SRGAP2B: variants seen among roughly 807,000 people sequenced by gnomAD.
SRGAP2B encodes the protein SLIT-ROBO Rho GTPase-activating protein 2B.
SRGAP2B carries 9 observed loss-of-function variants against 22.2 expected under a neutral mutation model. The ratio of observed to expected loss-of-function variants is 0.41; its 90% confidence interval spans 0.24 to 0.71. The LOEUF (loss-of-function observed/expected upper bound fraction) is 0.71, where lower values mean the gene tolerates loss of function less well. Ranked by LOEUF, SRGAP2B falls within the 30% of genes least tolerant of loss-of-function variation. The pLI is 0.35. For missense variants in SRGAP2B, 114 were observed against 235.8 expected, an observed-to-expected ratio of 0.48 and a Z score of 3.38; for synonymous variants, 36 against 87.4, an observed-to-expected ratio of 0.41 and a Z score of 3.28.
At chr1:145,068,820 A>T (rs1460784359) in intron 2 of SRGAP2B, among the ~76,000 whole-genome samples, 1 of 147,686 alleles carries the variant, frequency 6.8e-6, no homozygotes, top group African/African-American at 2.6e-5. Context: ...ATGAGGCATA[A>T]ATCAGCTATT....
intron 7 of SRGAP2B, among the ~76,000 whole-genome samples, chr1:144,902,732 A>C (rs1413756807): frequency 1.3e-4 from 18 of 142,744 alleles, no homozygotes; most frequent in African/African-American, 4.8e-4. Flanking sequence ...ACCGTACTCC[A>C]GCCTGGGCGA....
At chr1:145,009,585 C>G (rs1398470101) in intron 2 of SRGAP2B, among the ~76,000 whole-genome samples, 6 of 137,670 alleles carry the variant, frequency 4.4e-5, no homozygotes, top group Admixed American at 4.3e-4. Context: ...GAGACTCCGT[C>G]TCAAAAAAAA....
intron 3 of SRGAP2B, among the ~76,000 whole-genome samples, chr1:144,973,085 G>A (rs1241864987): frequency 6.2e-5 from 9 of 145,852 alleles, no homozygotes; most frequent in African/African-American, 2.1e-4. Context: ...TCCAGCCCGG[G>A]TGAAAGAGTG....
chr1:144,904,205 C>T (rs1233595956), intron 7 of SRGAP2B, among the ~76,000 whole-genome samples: 1 of 150,222 alleles, frequency 6.7e-6, no homozygotes, highest in East Asian at 1.9e-4. Context: ...TCTCGTAGTC[C>T]TCTGGACCTT....
At chr1:145,066,323 ACT>A (rs1364615552) in intron 2 of SRGAP2B, among the ~76,000 whole-genome samples, 4 of 148,296 alleles carry the variant, frequency 2.7e-5, no homozygotes, top group African/African-American at 5.1e-5. Context: ...ACAGAGTGAG[ACT>A]CTGTCTCAAA....
chr1:144,997,632 C>G (rs1296226269), intron 2 of SRGAP2B, among the ~76,000 whole-genome samples: 1 of 149,384 alleles, frequency 6.7e-6, no homozygotes, highest in African/African-American at 2.5e-5. Flanking sequence ...TTGGATGACA[C>G]CCACCCTCTG....
Position 144,994,984 on chromosome 1 carries a change from G to C in SRGAP2B, c.260+24C>G, listed in dbSNP as rs1160844858. 9 of 1,449,828 alleles carry C rather than the reference G, an allele frequency of 6.2e-6. 3 individuals carry two copies. In the African/African-American group the frequency reaches 1.2e-4, roughly 19 times the overall value. The allele number at this position is 1,449,828 out of a possible 1,614,324, so 89.8% of individuals were successfully genotyped here. ...GGACCCCATATTCCAAGGTCTCAGA[G>C]AGTAATAGCCACAGAGCCCCTACTT... On this transcript the variant is annotated intron_variant, in intron 3 of 9. Coordinates refer to ENST00000612199, the Ensembl canonical transcript of SRGAP2B.
intron 2 of SRGAP2B, among the ~76,000 whole-genome samples, chr1:145,020,565 AT>A (rs1172315166): frequency 1.4e-5 from 2 of 146,796 alleles, no homozygotes; most frequent in Non-Finnish European, 3.0e-5. Context: ...CAATTTATAT[AT>A]TCATCATGTT....
In SRGAP2B at chr1:145,058,144, T is replaced by G. The variant is rs1390744175; in HGVS notation, c.67+34691A>C. Among the ~76,000 whole-genome samples, 19 of 149,824 alleles carry G rather than the reference T, an allele frequency of 1.3e-4. 5 individuals are homozygous for G. Among genetic ancestry groups the G allele is most frequent in the African/African-American group, 4.5e-4 (18 of 39,940 alleles). On this transcript the variant is annotated intron_variant, in intron 2 of 9. Transcript: ENST00000612199. Reference sequence around the variant, plus strand: ...CCTGGATCCCAGTTCCTAGGACCTGTGTGACCATGAGCACGTATCTTAATT... The same window carrying G: ...CCTGGATCCCAGTTCCTAGGACCTGGGTGACCATGAGCACGTATCTTAATT...
intron 4 of SRGAP2B, among the ~76,000 whole-genome samples, chr1:144,940,958 G>GA (rs1553607287): frequency 6.7e-6 from 1 of 149,214 alleles, no homozygotes; most frequent in Non-Finnish European, 1.5e-5. Flanking sequence ...AATGTTAAAT[G>GA]AAAAAAATTA....
In SRGAP2B at chr1:145,036,175, A is replaced by T. The variant is rs1337456053; in HGVS notation, c.68-40975T>A. On this transcript the variant is annotated intron_variant, in intron 2 of 9. Coordinates refer to ENST00000612199, the Ensembl canonical transcript of SRGAP2B. ...TTCCTGCAGATATACAGCAAGCAAG[A>T]TTTCATTCCTGCCAGACAAGCTTTT... is the stretch of plus-strand genomic sequence containing the variant. Among the ~76,000 whole-genome samples, 3 of 128,512 alleles carry T rather than the reference A, an allele frequency of 2.3e-5. 1 individual carries two copies. The highest frequency in any genetic ancestry group is 2.3e-4 in the Admixed American group (3 of 12,914). 84.3% of individuals were successfully genotyped at this position (128,512 alleles called of 152,430 possible).
chr1:145,019,295 A>G (rs1672628341), intron 2 of SRGAP2B, among the ~76,000 whole-genome samples: 3 of 143,794 alleles, frequency 2.1e-5, no homozygotes, highest in Admixed American at 2.1e-4. Context: ...AGGCTGCAGT[A>G]AGCCATGATC....
Position 144,923,395 on chromosome 1 carries a change from G to A in SRGAP2B, c.424-8641C>T, listed in dbSNP as rs1219987617. Among the ~76,000 whole-genome samples the A allele has an allele frequency of 2.0e-5, 3 of 150,198 alleles. No individual in the cohort carries two copies. The East Asian group carries it at 5.8e-4, about 29-fold the overall frequency. On this transcript the variant is annotated intron_variant, in intron 4 of 9. Transcript: ENST00000612199. Reference sequence around the variant, plus strand: ...CCAAAGCATTTCTTGAGGTCATTCTGAAGATGAGTGATCACCCCATTTCCC... The same window carrying A: ...CCAAAGCATTTCTTGAGGTCATTCTAAAGATGAGTGATCACCCCATTTCCC...
At position 144,899,005 on chromosome 1, in the gene SRGAP2B, TAGCTCTATGTAGACCCTGTTGATG is replaced by T. The variant is rs1269766989; in HGVS notation, c.832-1692_832-1669del. On this transcript the variant is annotated intron_variant, in intron 7 of 9. Coordinates refer to ENST00000612199, the Ensembl canonical transcript of SRGAP2B. Reference sequence around the variant, plus strand: ...CCTTGAACCTGTAAACCTTCCTGACTAGCTCTATGTAGACCCTGTTGATGAGCTCTATGCCTATAAGTCTAATGA... The same window carrying T: ...CCTTGAACCTGTAAACCTTCCTGACTAGCTCTATGCCTATAAGTCTAATGA... 3.0e-5 allele frequency among the ~76,000 whole-genome samples: 4 copies of T among 131,186 alleles called. No homozygotes were observed. The East Asian group carries it at 9.3e-4, about 31-fold the overall frequency. 86.1% of individuals were successfully genotyped at this position (131,186 alleles called of 152,430 possible).
At chr1:145,068,804 T>C (rs1280414579) in intron 2 of SRGAP2B, among the ~76,000 whole-genome samples, 18 of 147,138 alleles carry the variant, frequency 1.2e-4, no homozygotes, top group Admixed American at 1.2e-3. Context: ...CCTTTTTTCT[T>C]TACTTATGAG....
chr1:144,991,361 G>A (rs1322864273), intron 3 of SRGAP2B, among the ~76,000 whole-genome samples: 2 of 150,410 alleles, frequency 1.3e-5, no homozygotes, highest in Non-Finnish European at 2.9e-5. Context: ...CTCAAGGTTT[G>A]TAAGTGCACC....
intron 3 of SRGAP2B, among the ~76,000 whole-genome samples, chr1:144,987,908 T>C (rs587773397): frequency 6.6e-6 from 1 of 151,132 alleles, no homozygotes; most frequent in Admixed American, 6.6e-5. Context: ...ACTGTACTAC[T>C]AAGATAAGGG....
chr1:144,924,589 G>C (rs1404691213), intron 4 of SRGAP2B, among the ~76,000 whole-genome samples: 2 of 151,494 alleles, frequency 1.3e-5, no homozygotes, highest in East Asian at 3.9e-4. Flanking sequence ...AAAGTTAGCC[G>C]GGCGTAGTGG....
At position 144,990,635 on chromosome 1, in the gene SRGAP2B, AG is replaced by A. The variant is rs1408811497; in HGVS notation, c.260+4372del. On this transcript the variant is annotated intron_variant, in intron 3 of 9. Transcript: ENST00000612199. ...GCTGGAGCCCACTCCCTCAGCTTGC[AG>A]GGAGGTGTGGAGGGAGAGGCACGAG... Among the ~76,000 whole-genome samples the A allele has an allele frequency of 2.2e-4, 32 of 146,164 alleles. 1 individual carries two copies. Among genetic ancestry groups the A allele is most frequent in the African/African-American group, 8.4e-4 (32 of 37,970 alleles).
Sources: allele counts gnomAD v4.1 joint callset (sites outside exome capture counted in the v4.1 genomes callset), GRCh38; gene constraint gnomAD v4.1.1; transcripts MANE v1.5; gene names NCBI Gene and HGNC (gene_info 2026-07-23, HGNC 2026-07-21).